PTPRT: variants seen among roughly 807,000 people sequenced by gnomAD.
PTPRT encodes the protein protein tyrosine phosphatase receptor type T.
A neutral mutation model predicts 176.8 loss-of-function variants in PTPRT; 56 were observed. That is an observed-to-expected ratio of 0.32 (90% CI 0.26 to 0.40). PTPRT has a LOEUF of 0.40. Among genes scored for constraint, PTPRT ranks in the 10% least tolerant of loss-of-function variants. PTPRT has a pLI of 1.00. For synonymous variants in PTPRT, 783 were observed against 739.0 expected (o/e 1.06, Z -0.96); for missense variants, 1,540 against 1,908.2 (o/e 0.81, Z 3.60).
chr20:43,123,917 T>C (rs1456809888), intron 1 of PTPRT, among the ~76,000 whole-genome samples: 5 of 152,254 alleles, frequency 3.3e-5, no homozygotes. Flanking sequence ...GAAAGGCTTT[T>C]GTGAGACACA....
intron 12 of PTPRT, among the ~76,000 whole-genome samples, chr20:42,297,912 A>G (rs1297567952): frequency 6.6e-6 from 1 of 152,204 alleles, no homozygotes; most frequent in East Asian, 1.9e-4. Flanking sequence ...ACTAAAATAC[A>G]TAAGACTTAG....
At chr20:42,870,989 T>C (rs1453222547) in intron 2 of PTPRT, among the ~76,000 whole-genome samples, 1 of 151,814 alleles carries the variant, frequency 6.6e-6, no homozygotes, top group African/African-American at 2.4e-5. Context: ...CTTGCTCTGT[T>C]ACCCAGGCTA....
At chr20:42,297,284 G>A (rs2057401431) in intron 12 of PTPRT, among the ~76,000 whole-genome samples, 1 of 152,046 alleles carries the variant, frequency 6.6e-6, no homozygotes, top group Non-Finnish European at 1.5e-5. Context: ...GGACATAAGG[G>A]TAGCAAAACC....
intron 9 of PTPRT, among the ~76,000 whole-genome samples, chr20:42,378,934 C>A (rs148459627): frequency 6.6e-6 from 1 of 152,220 alleles, no homozygotes; most frequent in African/African-American, 2.4e-5. Flanking sequence ...CTTGTGAATT[C>A]CATGTGTAAT....
intron 27 of PTPRT, among the ~76,000 whole-genome samples, chr20:42,095,682 A>T (rs1298864645): frequency 6.6e-6 from 1 of 152,194 alleles, no homozygotes; most frequent in Admixed American, 6.5e-5. Context: ...AATTGAGCAC[A>T]TTAGAGAATG....
At chr20:42,512,622 C>A (rs1371791612) in intron 7 of PTPRT, among the ~76,000 whole-genome samples, 3 of 152,080 alleles carry the variant, frequency 2.0e-5, no homozygotes, top group Non-Finnish European at 4.4e-5. Flanking sequence ...TTTCATTTAT[C>A]TAGGATAAAT....
chr20:42,663,461 C>T (rs2075261409), intron 7 of PTPRT, among the ~76,000 whole-genome samples: 1 of 152,116 alleles, frequency 6.6e-6, no homozygotes, highest in South Asian at 2.1e-4. Flanking sequence ...TGTTATGTGG[C>T]TTCGGCAGGG....
intron 6 of PTPRT, among the ~76,000 whole-genome samples, chr20:42,715,698 A>T (rs1474726238): frequency 6.6e-6 from 1 of 152,176 alleles, no homozygotes; most frequent in Non-Finnish European, 1.5e-5. Flanking sequence ...ATTTCTGAGA[A>T]TTTTAAAAAA....
chr20:43,049,670 T>C (rs1383208007), intron 1 of PTPRT, among the ~76,000 whole-genome samples: 4 of 152,210 alleles, frequency 2.6e-5, no homozygotes, highest in Non-Finnish European at 4.4e-5. Context: ...AACATGAGGC[T>C]TTCAGTTCTC....
In PTPRT at chr20:42,885,885, C is replaced by G. The variant is rs2079094176; in HGVS notation, c.136G>C (p.Ala46Pro). 6.2e-7 allele frequency: 1 copy of G among 1,610,796 alleles called. No individual in the cohort carries two copies. Among genetic ancestry groups the G allele is most frequent in the Admixed American group, 1.7e-5 (1 of 59,910 alleles). ...EHYSNCGYSV[A>P]LGTNGFTWEQ... ...CAGGTGAACCCATTGGTCCCTAGAG[C>G]CACACTATAACCACAGTTGCTGTAG... Residue 46 changes from alanine to proline, a missense_variant, in exon 2 of 31, where the codon GCT (alanine) becomes CCT (proline). Ala to Pro is a conservative substitution (Grantham distance 27). Around this residue, in one of 11 missense-constraint regions of PTPRT, gnomAD observed 116 missense variants for 118.5 expected, o/e 0.98. Coordinates refer to ENST00000373187, the MANE Select transcript of PTPRT (RefSeq NM_007050.6).
chr20:43,025,295 T>C (rs1052069706), intron 1 of PTPRT, among the ~76,000 whole-genome samples: 5 of 152,236 alleles, frequency 3.3e-5, no homozygotes, highest in East Asian at 1.9e-4. Context: ...TCCTAATGAC[T>C]ATGTGAAGGC....
intron 7 of PTPRT, among the ~76,000 whole-genome samples, chr20:42,587,993 T>C (rs1047331408): frequency 2.6e-5 from 4 of 152,140 alleles, no homozygotes; most frequent in African/African-American, 9.7e-5. Context: ...TATATGATTG[T>C]AAAGTACCCA....
chr20:42,826,161 G>A (rs530904874), intron 2 of PTPRT, among the ~76,000 whole-genome samples: 1 of 152,170 alleles, frequency 6.6e-6, no homozygotes, highest in East Asian at 1.9e-4. Flanking sequence ...AAAACCACGG[G>A]TGATCCACTG....
chr20:42,247,374 T>C (rs918734522), intron 14 of PTPRT, among the ~76,000 whole-genome samples: 1 of 152,212 alleles, frequency 6.6e-6, no homozygotes, highest in Non-Finnish European at 1.5e-5. Context: ...CTAGTATTTC[T>C]AAATCACTGA....
At chr20:42,729,038 G>C (rs2076421734) in intron 6 of PTPRT, among the ~76,000 whole-genome samples, 1 of 152,076 alleles carries the variant, frequency 6.6e-6, no homozygotes, top group Admixed American at 6.5e-5. Context: ...ACAATCCATA[G>C]AGGGGCTTCG....
chr20:42,275,844 C>A (rs2057019941), intron 13 of PTPRT, among the ~76,000 whole-genome samples: 1 of 152,128 alleles, frequency 6.6e-6, no homozygotes, highest in Non-Finnish European at 1.5e-5. Context: ...GAATTTGTTA[C>A]ACTCATGTAA....
chr20:43,088,191 C>G (rs959007757), intron 1 of PTPRT, among the ~76,000 whole-genome samples: 10 of 152,140 alleles, frequency 6.6e-5, no homozygotes, highest in African/African-American at 2.4e-4. Context: ...CCTGTTGGTT[C>G]AACTTGACTG....
At chr20:42,383,277 A>T (rs2058713446) in intron 9 of PTPRT, among the ~76,000 whole-genome samples, 1 of 152,134 alleles carries the variant, frequency 6.6e-6, no homozygotes, top group East Asian at 1.9e-4. Flanking sequence ...TTCAGCAGAC[A>T]TTTTTGAGGG....
intron 1 of PTPRT, among the ~76,000 whole-genome samples, chr20:43,174,906 T>G (rs966924374): frequency 1.1e-4 from 16 of 152,218 alleles, no homozygotes; most frequent in African/African-American, 3.6e-4. Context: ...ATGATTTGGT[T>G]TTCAGAACAT....
Sources: gnomAD v4.1 joint callset for allele counts (sites outside exome capture counted in the v4.1 genomes callset) on GRCh38, gnomAD v4.1.1 for gene constraint, gnomAD v4.1.1 regional missense constraint, MANE v1.5 for transcripts, NCBI Gene and HGNC (gene_info 2026-07-23, HGNC 2026-07-21) for gene names.